Variants in BUD23 observed in about 807,000 individuals in gnomAD.
The protein encoded by BUD23 is 18S rRNA (guanine-N(7))-methyltransferase.
BUD23 carries 34 observed loss-of-function variants against 47.0 expected under a neutral mutation model. The ratio of observed to expected loss-of-function variants is 0.72; its 90% CI spans 0.55 to 0.96. BUD23 has a LOEUF of 0.96. Among genes scored for constraint, BUD23 ranks in the 40% least tolerant of loss-of-function variants. BUD23 has a pLI of 0.00. For synonymous variants in BUD23, 124 were observed against 132.0 expected (o/e 0.94, Z 0.41); for missense variants, 343 against 361.2 (o/e 0.95, Z 0.41).
intron 1 of BUD23, 29 bp downstream of exon 1, chr7:73,683,702 C>T (rs1327053843): frequency 2.5e-6 from 4 of 1,613,872 alleles, no homozygotes; most frequent in Admixed American, 1.7e-5. Context: ...GGACACCCCT[C>T]TCCCCACTTC....
At chr7:73,686,276 G>A (rs905921101) in intron 2 of BUD23, among the ~76,000 whole-genome samples, 3 of 152,198 alleles carry the variant, frequency 2.0e-5, no homozygotes, top group Non-Finnish European at 2.9e-5. Flanking sequence ...ATAATTTTTG[G>A]AGAAAATGTT....
At chr7:73,695,078 GT>G (rs1798348085) in intron 10 of BUD23, 1 of 152,472 alleles carries the variant, frequency 6.6e-6, no homozygotes. Flanking sequence ...AGCCTCCCAA[GT>G]AGCTGAGACT....
chr7:73,688,477 G>A (rs1205511357), intron 5 of BUD23, among the ~76,000 whole-genome samples: 5 of 152,160 alleles, frequency 3.3e-5, no homozygotes, highest in Non-Finnish European at 5.9e-5. Context: ...AGTCTCTAGC[G>A]GCCATTTTAT....
rs1554615181 is a variant in BUD23 at position 73,697,858 on chromosome 7, C to T, written c.818C>T (p.Thr273Ile). The T allele has an allele frequency of 6.2e-7, 1 of 1,613,740 alleles. No homozygotes were observed. The highest frequency in any genetic ancestry group is 1.3e-5 in the African/African-American group (1 of 74,868). ...GREVRPDTQYTGRKRKPRF is the reference protein window; with the variant it reads ...GREVRPDTQYIGRKRKPRF ...GAAGTCAGACCTGACACCCAGTACA[C>T]CGGCCGCAAGCGCAAGCCCCGCTTC... The change falls in exon 12 of 12, where the codon ACC becomes ATC. Residue 273 changes from threonine (T) to isoleucine (I), a missense_variant. Physicochemically the swap from Thr to Ile is moderately conservative, Grantham distance 89. Transcript: ENST00000265758.
chr7:73,692,551 C>T, intron 6 of BUD23, 45 bp from the exon 7 acceptor site: 1 of 1,599,628 alleles, frequency 6.3e-7, no homozygotes, highest in Non-Finnish European at 8.6e-7. Flanking sequence ...AGGCCCTAAG[C>T]TCATGCAGTC....
intron 8 of BUD23, 25 bp downstream of exon 8, chr7:73,693,439 G>A (rs1554614373): frequency 8.1e-6 from 13 of 1,613,470 alleles, no homozygotes; most frequent in Non-Finnish European, 1.1e-5. Flanking sequence ...CCGGTGTGCT[G>A]CCTGGGCTGC....
intron 10 of BUD23, 94 bp from the exon 11 acceptor site, chr7:73,697,511 T>C (rs1554615036): frequency 1.9e-6 from 3 of 1,597,830 alleles, no homozygotes; most frequent in Non-Finnish European, 8.5e-7. Context: ...GCCACCAGAC[T>C]CGGAGGTAAG....
Position 73,683,775 on chromosome 7 carries a change from C to T in BUD23, c.57C>T (p.Asp19=), listed in dbSNP as rs1554612169. The T allele has an allele frequency of 1.2e-6, 2 of 1,614,140 alleles. No individual in the cohort carries two copies. Among genetic ancestry groups the T allele is most frequent in the South Asian group, 2.2e-5 (2 of 91,080 alleles). The stretch of plus-strand genomic sequence containing the variant: ...TTTTCTCTTTTTCGCAGTTTTATGA[C>T]GAGACAGAAGCCCGGAAATACGTTC... ...EHGGPPELFY[D]ETEARKYVRN... is the part of the protein sequence containing the mutation. The change falls in exon 2 of 12, where the codon GAC becomes GAT. Residue 19 remains aspartate (D), a synonymous_variant. Coordinates refer to ENST00000265758, the MANE Select transcript of BUD23 (RefSeq NM_017528.5).
In BUD23 at chr7:73,683,782, G is replaced by C; in HGVS notation, c.64G>C (p.Glu22Gln). Residue 22 changes from glutamate to glutamine, a missense_variant, in exon 2 of 12, where the codon GAA becomes CAA. Glu to Gln is a conservative substitution (Grantham distance 29, BLOSUM62 2). Coordinates refer to ENST00000265758, the MANE Select transcript of BUD23 (RefSeq NM_017528.5). ...GPPELFYDETEARKYVRNSRM... is the reference protein window; with the variant it reads ...GPPELFYDETQARKYVRNSRM... ...TTTTTCGCAGTTTTATGACGAGACA[G>C]AAGCCCGGAAATACGTTCGCAAGTG... The C allele has an allele frequency of 1.2e-6, 2 of 1,614,200 alleles. No homozygotes were observed. Among genetic ancestry groups the C allele is most frequent in the Non-Finnish European group, 1.7e-6 (2 of 1,180,050 alleles).
intron 2 of BUD23, among the ~76,000 whole-genome samples, chr7:73,685,110 C>G (rs1009706337): frequency 2.6e-5 from 4 of 151,876 alleles, no homozygotes; most frequent in Non-Finnish European, 5.9e-5. Context: ...AATTCCGAGA[C>G]CAACCTGGCC....
At chr7:73,684,493 G>T (rs895454733) in intron 2 of BUD23, among the ~76,000 whole-genome samples, 1 of 151,654 alleles carries the variant, frequency 6.6e-6, no homozygotes, top group African/African-American at 2.4e-5. Flanking sequence ...TTGCGATGGG[G>T]TCTCGCTGTG....
Position 73,693,181 on chromosome 7 carries a change from A to G in BUD23, c.511-148A>G, listed in dbSNP as rs140033284. Reference sequence around the variant, plus strand: ...TGGGCCATGCCAGATTCTAGCCTGTACTTTTCTCTACGTGGCTTACAGCGA... The same window carrying G: ...TGGGCCATGCCAGATTCTAGCCTGTGCTTTTCTCTACGTGGCTTACAGCGA... On this transcript the variant is annotated intron_variant, in intron 7 of 11. Transcript: ENST00000265758. 2,166 of 714,788 alleles carry G rather than the reference A, an allele frequency of 3.0e-3. 7 individuals carry two copies. The highest frequency in any genetic ancestry group is 4.6e-3 in the Non-Finnish European group (1,864 of 401,006). 44.3% of individuals were successfully genotyped at this position (714,788 alleles called of 1,614,324 possible).
intron 2 of BUD23, 83 bp downstream of exon 2, chr7:73,683,887 C>T: frequency 1.2e-6 from 2 of 1,612,604 alleles, no homozygotes; most frequent in East Asian, 2.2e-5. Flanking sequence ...CCCGGAAAGG[C>T]CGTAGAATTT....
chr7:73,683,653 C>T lies in BUD23; in HGVS notation c.28C>T (p.His10Tyr), dbSNP rs782758287. 6.2e-7 allele frequency: 1 copy of T among 1,612,896 alleles called. No homozygotes were observed. Among genetic ancestry groups the T allele is most frequent in the Non-Finnish European group, 8.5e-7 (1 of 1,179,638 alleles). ...GGCGTCCCGCGGCCGGCGTCCGGAG[C>T]ATGGCGGACCCCCAGAGCTGGTAAG... MASRGRRPE[H>Y]GGPPELFYDE... Residue 10 changes from histidine (H) to tyrosine (Y), a missense_variant, in exon 1 of 12, where the codon CAT becomes TAT. By Grantham distance (83) the His-to-Tyr change is moderately conservative. Transcript: ENST00000265758.
intron 3 of BUD23, 42 bp downstream of exon 3, chr7:73,686,773 A>G: frequency 6.2e-7 from 1 of 1,614,036 alleles, no homozygotes; most frequent in Non-Finnish European, 8.5e-7. Context: ...AAGGTGGTGA[A>G]GTGTCTTTGT....
chr7:73,692,094 G>A (rs1584223327), intron 6 of BUD23, among the ~76,000 whole-genome samples: 1 of 152,162 alleles, frequency 6.6e-6, no homozygotes, highest in African/African-American at 2.4e-5. Flanking sequence ...TGTGGCCGCT[G>A]GCCTTTCCTG....
intron 10 of BUD23, chr7:73,697,226 C>T (rs1323301802): frequency 3.6e-6 from 2 of 555,630 alleles, no homozygotes; most frequent in African/African-American, 3.8e-5. Flanking sequence ...ACCCTAAGCT[C>T]CTGCTGTGAA....
chr7:73,691,060 C>A, intron 6 of BUD23, 48 bp downstream of exon 6: 1 of 1,517,806 alleles, frequency 6.6e-7, no homozygotes, highest in South Asian at 1.1e-5. Flanking sequence ...CTGTCCCTCC[C>A]TAGCACTGCA....
chr7:73,695,300 C>G (rs1772750650), intron 10 of BUD23: 1 of 150,740 alleles, frequency 6.6e-6, no homozygotes, highest in Admixed American at 6.6e-5. Flanking sequence ...TCTTTCCCCC[C>G]AGGCTGGAGT....
Sources: gnomAD v4.1 joint callset for allele counts (sites outside exome capture counted in the v4.1 genomes callset) on GRCh38, gnomAD v4.1.1 for gene constraint, MANE v1.5 for transcripts, NCBI Gene and HGNC (gene_info 2026-07-23, HGNC 2026-07-21) for gene names.